The following MACROD2 variants were observed in gnomAD, a reference collection of about 807,000 sequenced individuals.
The protein encoded by MACROD2 is ADP-ribose glycohydrolase MACROD2.
Under a neutral mutation model 70.4 loss-of-function variants are expected in MACROD2, and 36 were observed. The observed-to-expected ratio is 0.51, with a 90% CI of 0.39 to 0.68. The LOEUF (loss-of-function observed/expected upper bound fraction) is 0.68. Ranked by LOEUF, MACROD2 falls within the 30% of genes least tolerant of loss-of-function variation. The pLI is 0.00. For missense variants in MACROD2, 496 were observed against 538.4 expected (o/e 0.92, Z 0.78); for synonymous variants, 172 against 178.8 (o/e 0.96, Z 0.30).
chr20:14,257,137 G>A (rs536405521), intron 3 of MACROD2, among the ~76,000 whole-genome samples: 1 of 152,214 alleles, frequency 6.6e-6, no homozygotes, highest in South Asian at 2.1e-4. Context: ...TCTTTACCCT[G>A]CACCAATAAG....
At chr20:15,304,588 A>G (rs187035124) in intron 6 of MACROD2, among the ~76,000 whole-genome samples, 34 of 152,018 alleles carry the variant, frequency 2.2e-4, no homozygotes, top group African/African-American at 7.2e-4. Context: ...TGCCTTTACT[A>G]CATGCCCAGG....
At chr20:15,352,489 T>A (rs2078238649) in intron 6 of MACROD2, among the ~76,000 whole-genome samples, 1 of 152,160 alleles carries the variant, frequency 6.6e-6, no homozygotes, top group Non-Finnish European at 1.5e-5. Context: ...GAATGGGGGA[T>A]TCTTTTTTCT....
intron 5 of MACROD2, among the ~76,000 whole-genome samples, chr20:14,819,389 A>G (rs1600696027): frequency 6.6e-6 from 1 of 152,016 alleles, no homozygotes; most frequent in South Asian, 2.1e-4. Flanking sequence ...ATAAGAAAAA[A>G]AAAAAAAAAA....
At chr20:14,024,297 G>T (rs999161989) in intron 2 of MACROD2, among the ~76,000 whole-genome samples, 1 of 152,046 alleles carries the variant, frequency 6.6e-6, no homozygotes, top group African/African-American at 2.4e-5. Flanking sequence ...GGGCTGAGAT[G>T]ATGGGGTTTT....
At chr20:14,849,298 T>C (rs1038101765) in intron 5 of MACROD2, among the ~76,000 whole-genome samples, 3 of 152,216 alleles carry the variant, frequency 2.0e-5, no homozygotes, top group Non-Finnish European at 4.4e-5. Context: ...ACCAACTTTA[T>C]TCAGGTTTTA....
intron 4 of MACROD2, among the ~76,000 whole-genome samples, chr20:14,642,298 G>T (rs970391329): frequency 6.6e-6 from 1 of 152,156 alleles, no homozygotes; most frequent in African/African-American, 2.4e-5. Flanking sequence ...GTTGTGGCAG[G>T]TTTGATCTTC....
chr20:15,215,346 A>C (rs1443780232), intron 5 of MACROD2, among the ~76,000 whole-genome samples: 1 of 151,076 alleles, frequency 6.6e-6, no homozygotes, highest in Non-Finnish European at 1.5e-5. Context: ...GGAAAATAAA[A>C]TCCTACCTTT....
intron 8 of MACROD2, among the ~76,000 whole-genome samples, chr20:15,729,989 CACTA>C (rs1600815739): frequency 6.6e-6 from 1 of 151,826 alleles, no homozygotes; most frequent in East Asian, 1.9e-4. Flanking sequence ...CACCACGCCC[CACTA>C]ACTATTGTAT....
intron 8 of MACROD2, among the ~76,000 whole-genome samples, chr20:15,740,704 A>G (rs1392169903): frequency 1.4e-5 from 2 of 145,670 alleles, no homozygotes; most frequent in Non-Finnish European, 3.0e-5. Context: ...TTTACTTTAC[A>G]TGGAGCCTTT....
intron 5 of MACROD2, among the ~76,000 whole-genome samples, chr20:15,074,459 C>T (rs901903489): frequency 4.6e-5 from 7 of 152,156 alleles, no homozygotes; most frequent in African/African-American, 1.7e-4. Context: ...ATTCCTTATC[C>T]GTATCTTTTG....
intron 2 of MACROD2, among the ~76,000 whole-genome samples, chr20:14,039,521 A>G (rs1276195477): frequency 6.6e-6 from 1 of 152,200 alleles, no homozygotes; most frequent in Non-Finnish European, 1.5e-5. Flanking sequence ...GTTAATTTAC[A>G]AAAGGATTGA....
chr20:14,430,299 A>G (rs986018661), intron 3 of MACROD2, among the ~76,000 whole-genome samples: 1 of 152,142 alleles, frequency 6.6e-6, no homozygotes, highest in Non-Finnish European at 1.5e-5. Context: ...TTGCTTCCAC[A>G]TAGTGACTTG....
intron 4 of MACROD2, among the ~76,000 whole-genome samples, chr20:14,602,663 C>A (rs1433400130): frequency 6.6e-6 from 1 of 152,206 alleles, no homozygotes. Context: ...CTTTATGTAT[C>A]TGAAGTGAAA....
At chr20:15,934,423 C>T (rs1356643923) in intron 11 of MACROD2, among the ~76,000 whole-genome samples, 1 of 152,162 alleles carries the variant, frequency 6.6e-6, no homozygotes, top group African/African-American at 2.4e-5. Flanking sequence ...GGTCGGCCGG[C>T]GTCCTTTGCT....
intron 8 of MACROD2, among the ~76,000 whole-genome samples, chr20:15,599,922 A>T (rs2048796581): frequency 6.6e-6 from 1 of 152,094 alleles, no homozygotes; most frequent in South Asian, 2.1e-4. Flanking sequence ...GACCTTTTAA[A>T]TCCCCCTGTC....
intron 3 of MACROD2, among the ~76,000 whole-genome samples, chr20:14,152,683 T>C (rs939268137): frequency 2.6e-5 from 4 of 152,158 alleles, no homozygotes; most frequent in Admixed American, 2.6e-4. Flanking sequence ...CACCTCGGCC[T>C]CCCAAAGTGC....
chr20:14,170,305 C>T (rs2081209470), intron 3 of MACROD2, among the ~76,000 whole-genome samples: 1 of 152,198 alleles, frequency 6.6e-6, no homozygotes, highest in Non-Finnish European at 1.5e-5. Context: ...GACAGTTTGA[C>T]TAACTCTTTA....
intron 4 of MACROD2, among the ~76,000 whole-genome samples, chr20:14,665,734 T>A (rs1600515996): frequency 6.6e-6 from 1 of 152,224 alleles, no homozygotes; most frequent in South Asian, 2.1e-4. Context: ...ATAATTAACT[T>A]ACATATATCC....
At chr20:15,077,880 G>A (rs938502773) in intron 5 of MACROD2, among the ~76,000 whole-genome samples, 2 of 152,150 alleles carry the variant, frequency 1.3e-5, no homozygotes, top group African/African-American at 4.8e-5. Context: ...GCAGCGTTTG[G>A]AAGTGTTGAT....
Sources: gnomAD v4.1 joint callset for allele counts (sites outside exome capture counted in the v4.1 genomes callset) on GRCh38, gnomAD v4.1.1 for gene constraint, MANE v1.5 for transcripts, NCBI Gene and HGNC (gene_info 2026-07-23, HGNC 2026-07-21) for gene names.